The following STK38 variants were observed in gnomAD, a reference collection of about 807,000 sequenced individuals.
STK38 encodes serine/threonine-protein kinase 38.
In STK38, 26 loss-of-function variants were observed where a neutral mutation model predicts 59.0. That is an observed-to-expected ratio of 0.44 (90% CI 0.32 to 0.61). The LOEUF (loss-of-function observed/expected upper bound fraction) is 0.61. Ranked by LOEUF, STK38 falls within the 20% of genes least tolerant of loss-of-function variation. The pLI, the probability that STK38 is intolerant of heterozygous loss-of-function variation, is 0.04. For synonymous variants in STK38, 175 were observed against 176.6 expected (o/e 0.99, Z 0.07); for missense variants, 433 against 566.0 (o/e 0.76, Z 2.38).
chr6:36,543,683 C>T (rs1777996419), intron 1 of STK38, among the ~76,000 whole-genome samples: 1 of 152,078 alleles, frequency 6.6e-6, no homozygotes, highest in Non-Finnish European at 1.5e-5. Flanking sequence ...ACTCTGTCGC[C>T]CAGGCTGGAG....
chr6:36,540,628 C>CT (rs1012856215), intron 1 of STK38, among the ~76,000 whole-genome samples: 5 of 151,652 alleles, frequency 3.3e-5, no homozygotes, highest in South Asian at 2.1e-4. Context: ...ACAAATATAT[C>CT]TTTTTTTTTC....
chr6:36,532,917 CA>C (rs1238864548), intron 2 of STK38, among the ~76,000 whole-genome samples: 1 of 151,628 alleles, frequency 6.6e-6, no homozygotes, highest in African/African-American at 2.4e-5. Context: ...AATGAAAATA[CA>C]AAAATTAGCC....
At chr6:36,525,791 C>T in intron 2 of STK38, 149 bp from the exon 3 acceptor site, 1 of 643,370 alleles carries the variant, frequency 1.6e-6, no homozygotes, top group Non-Finnish European at 2.6e-6. Context: ...AATTAAGTTA[C>T]TAAGACAAGT....
At position 36,494,979 on chromosome 6, in the gene STK38, G is replaced by A. The variant is rs949379555; in HGVS notation, c.*805C>T. On this transcript the variant is annotated 3_prime_UTR_variant, in exon 14 of 14. Coordinates refer to ENST00000229812, the MANE Select transcript of STK38 (RefSeq NM_007271.4). Reference sequence around the variant, plus strand: ...AGTCCACGGCAAGATCTGTCTTAGGGATTTTCTGGTACAGCCGTGAAGAGA... The same window carrying A: ...AGTCCACGGCAAGATCTGTCTTAGGAATTTTCTGGTACAGCCGTGAAGAGA... The A allele has an allele frequency of 6.6e-6, 1 of 152,314 alleles. No homozygotes were observed. The highest frequency in any genetic ancestry group is 2.1e-4 in the South Asian group (1 of 4,834). The allele number at this position is 152,314 out of a possible 1,614,324, so 9.4% of individuals were successfully genotyped here.
intron 7 of STK38, among the ~76,000 whole-genome samples, chr6:36,508,684 C>T (rs1382333458): frequency 6.6e-6 from 1 of 152,238 alleles, no homozygotes; most frequent in African/African-American, 2.4e-5. Context: ...GCCTGGCAGG[C>T]TTGTGCTACC....
chr6:36,511,357 T>TC (rs1472948152), intron 7 of STK38, among the ~76,000 whole-genome samples: 1 of 152,008 alleles, frequency 6.6e-6, no homozygotes, highest in Non-Finnish European at 1.5e-5. Context: ...CTTTTTTTTT[T>TC]TTCTTCTTTT....
intron 9 of STK38, among the ~76,000 whole-genome samples, chr6:36,500,866 T>C (rs1168259756): frequency 1.3e-5 from 2 of 152,106 alleles, no homozygotes; most frequent in African/African-American, 2.4e-5. Context: ...GGAAGCTATA[T>C]GATCAAAAGC....
chr6:36,531,170 G>T lies in STK38; in HGVS notation c.132-5528C>A, dbSNP rs187819188. On this transcript the variant is annotated intron_variant, in intron 2 of 13. Transcript: ENST00000229812. ...AATAATAATCACATATTTCTACTTA[G>T]TATTAGATAAGACCAAATGAGGAAT... Among the ~76,000 whole-genome samples the T allele has an allele frequency of 1.1e-3, 173 of 152,228 alleles. 1 individual carries two copies. The highest frequency in any genetic ancestry group is 3.5e-3 in the African/African-American group (147 of 41,540).
At chr6:36,526,138 C>T (rs1434736165) in intron 2 of STK38, among the ~76,000 whole-genome samples, 1 of 151,544 alleles carries the variant, frequency 6.6e-6, no homozygotes, top group Non-Finnish European at 1.5e-5. Context: ...GCCCTTAGGT[C>T]TACATTTTTT....
chr6:36,544,542 T>G (rs180723003), intron 1 of STK38, among the ~76,000 whole-genome samples: 1 of 152,146 alleles, frequency 6.6e-6, no homozygotes, highest in Non-Finnish European at 1.5e-5. Flanking sequence ...CCTGAAGAAA[T>G]TGCATATATG....
intron 4 of STK38, among the ~76,000 whole-genome samples, chr6:36,523,235 T>C (rs539546462): frequency 6.6e-6 from 1 of 151,882 alleles, no homozygotes; most frequent in African/African-American, 2.4e-5. Flanking sequence ...CTGAATACTA[T>C]TCACATTTCC....
At chr6:36,543,768 A>AC (rs1473984513) in intron 1 of STK38, among the ~76,000 whole-genome samples, 5 of 152,136 alleles carry the variant, frequency 3.3e-5, no homozygotes, top group South Asian at 2.1e-4. Flanking sequence ...CAGCCTCCCA[A>AC]GTAGTTGGGA....
chr6:36,533,851 T>C (rs982778723), intron 2 of STK38, among the ~76,000 whole-genome samples: 1 of 152,254 alleles, frequency 6.6e-6, no homozygotes, highest in Non-Finnish European at 1.5e-5. Context: ...AAAGATATTC[T>C]GAACAGATTT....
At chr6:36,533,519 C>T (rs1777719057) in intron 2 of STK38, among the ~76,000 whole-genome samples, 1 of 152,138 alleles carries the variant, frequency 6.6e-6, no homozygotes, top group Non-Finnish European at 1.5e-5. Flanking sequence ...TTTTAGAAGG[C>T]TTTTCTATCT....
rs746404480 is a variant in STK38 at position 36,538,645 on chromosome 6, C to T, written c.131+1427G>A. On this transcript the variant is annotated intron_variant, in intron 2 of 13. Coordinates refer to ENST00000229812, the MANE Select transcript of STK38 (RefSeq NM_007271.4). ...TGGATTGGCCGGGCACAGTGGCTCA[C>T]GCCTATAACCCCAGCACTTTGGGAG... Among the ~76,000 whole-genome samples, 4 of 152,194 alleles carry T rather than the reference C, an allele frequency of 2.6e-5. No individual in the cohort carries two copies. In the East Asian group the frequency reaches 5.8e-4, roughly 22 times the overall value.
At chr6:36,501,222 G>A (rs576657918) in intron 9 of STK38, among the ~76,000 whole-genome samples, 2 of 151,944 alleles carry the variant, frequency 1.3e-5, no homozygotes, top group African/African-American at 4.8e-5. Flanking sequence ...CAAAGTGCTG[G>A]GATTACAGGT....
chr6:36,497,704 G>C, intron 12 of STK38, 76 bp downstream of exon 12: 1 of 1,225,956 alleles, frequency 8.2e-7, no homozygotes, highest in Non-Finnish European at 1.2e-6. Context: ...GCTTGCCAAT[G>C]ATGGTCCTTC....
At chr6:36,510,409 A>G (rs12190062) in intron 7 of STK38, among the ~76,000 whole-genome samples, 36,108 of 152,192 alleles carry the variant, frequency 0.24, 4,524 homozygotes, top group East Asian at 0.39. Flanking sequence ...AGCACAGAGA[A>G]GTCAGGCAGC....
chr6:36,513,697 C>T (rs940287344), intron 7 of STK38, among the ~76,000 whole-genome samples: 1 of 151,882 alleles, frequency 6.6e-6, no homozygotes, highest in Admixed American at 6.6e-5. Flanking sequence ...TATTCTACTC[C>T]ACTTCTGCAC....
Sources: gnomAD v4.1 joint callset for allele counts (sites outside exome capture counted in the v4.1 genomes callset) on GRCh38, gnomAD v4.1.1 for gene constraint, MANE v1.5 for transcripts, NCBI Gene and HGNC (gene_info 2026-07-23, HGNC 2026-07-21) for gene names.